The following PIP5K1B variants were observed in gnomAD, a reference collection of about 807,000 sequenced individuals.
PIP5K1B encodes the protein phosphatidylinositol 4-phosphate 5-kinase type-1 beta.
A neutral mutation model predicts 67.0 loss-of-function variants in PIP5K1B; 42 were observed. The ratio of observed to expected loss-of-function variants is 0.63; its 90% confidence interval spans 0.49 to 0.81. The LOEUF (loss-of-function observed/expected upper bound fraction) is 0.81. Ranked by LOEUF, PIP5K1B falls within the 30% of genes least tolerant of loss-of-function variation. The pLI is 0.00. For missense variants in PIP5K1B, 459 were observed against 646.3 expected (o/e 0.71, Z 3.14); for synonymous variants, 214 against 231.4 (o/e 0.92, Z 0.68).
intron 2 of PIP5K1B, among the ~76,000 whole-genome samples, chr9:68,790,516 AT>A (rs1349707085): frequency 6.6e-6 from 1 of 152,228 alleles, no homozygotes; most frequent in East Asian, 1.9e-4. Context: ...TGTGAAAATA[AT>A]TTTATAACAG....
chr9:68,909,502 T>C lies in PIP5K1B; in HGVS notation c.772-8046T>C, dbSNP rs1236473542. Among the ~76,000 whole-genome samples, 3 of 152,236 alleles carry C rather than the reference T, an allele frequency of 2.0e-5. No individual in the cohort carries two copies. In the East Asian group the frequency reaches 5.8e-4, roughly 29 times the overall value. ...GTCAGTGTTCAAATTTCTAATTGTT[T>C]CAGAAACAACTTTTTGTGGTTTGGA... On this transcript the variant is annotated intron_variant, in intron 8 of 15. Coordinates refer to ENST00000265382, the MANE Select transcript of PIP5K1B (RefSeq NM_003558.4).
intron 2 of PIP5K1B, among the ~76,000 whole-genome samples, chr9:68,805,018 G>A (rs1363792881): frequency 5.3e-5 from 8 of 152,200 alleles, no homozygotes; most frequent in Non-Finnish European, 1.0e-4. Context: ...TTGGCTGAGG[G>A]CTGTGAGGGC....
At chr9:68,883,603 C>T (rs545881697) in intron 6 of PIP5K1B, among the ~76,000 whole-genome samples, 1 of 152,130 alleles carries the variant, frequency 6.6e-6, no homozygotes, top group Admixed American at 6.6e-5. Context: ...CCTCCTCTCC[C>T]TTTTTCTTTC....
At chr9:68,770,509 A>G (rs887798763) in intron 2 of PIP5K1B, among the ~76,000 whole-genome samples, 1 of 152,310 alleles carries the variant, frequency 6.6e-6, no homozygotes, top group African/African-American at 2.4e-5. Flanking sequence ...TGTGCAGTTC[A>G]TGCTCAAAAG....
intron 12 of PIP5K1B, among the ~76,000 whole-genome samples, chr9:68,927,777 T>C (rs1826789732): frequency 6.6e-6 from 1 of 152,174 alleles, no homozygotes; most frequent in Admixed American, 6.5e-5. Flanking sequence ...TCCAATTTTT[T>C]TCCTTTTGTT....
chr9:68,921,312 TA>T (rs879631642), intron 11 of PIP5K1B, among the ~76,000 whole-genome samples: 57 of 144,302 alleles, frequency 4.0e-4, no homozygotes, highest in Non-Finnish European at 3.5e-4. Context: ...ATTTTTTAAT[TA>T]AAAAAAAAAA....
intron 2 of PIP5K1B, among the ~76,000 whole-genome samples, chr9:68,786,656 T>A (rs1831635899): frequency 6.6e-6 from 1 of 152,056 alleles, no homozygotes; most frequent in Non-Finnish European, 1.5e-5. Context: ...GGCAAGAAAT[T>A]AAAGTGTATA....
intron 2 of PIP5K1B, among the ~76,000 whole-genome samples, chr9:68,779,583 C>T (rs1314245337): frequency 6.6e-6 from 1 of 152,208 alleles, no homozygotes; most frequent in Non-Finnish European, 1.5e-5. Flanking sequence ...GGTCCACCAC[C>T]TCACGTCAGG....
intron 2 of PIP5K1B, among the ~76,000 whole-genome samples, chr9:68,757,140 A>AT (rs1248924139): frequency 6.6e-6 from 1 of 152,130 alleles, no homozygotes; most frequent in East Asian, 1.9e-4. Context: ...ACAAGCATCA[A>AT]TTTTTTAAAA....
intron 13 of PIP5K1B, among the ~76,000 whole-genome samples, chr9:68,938,865 A>G (rs554270893): frequency 6.6e-6 from 1 of 152,298 alleles, no homozygotes; most frequent in Non-Finnish European, 1.5e-5. Context: ...ATGTCCTACA[A>G]GTCAGCCCCA....
chr9:68,848,492 A>G (rs979994657), intron 4 of PIP5K1B, among the ~76,000 whole-genome samples: 2 of 152,222 alleles, frequency 1.3e-5, no homozygotes, highest in African/African-American at 2.4e-5. Flanking sequence ...CAGTGAGCCA[A>G]TTAGGGAACA....
intron 14 of PIP5K1B, among the ~76,000 whole-genome samples, chr9:68,983,512 C>G (rs1225217024): frequency 6.6e-6 from 1 of 151,116 alleles, no homozygotes; most frequent in African/African-American, 2.4e-5. Flanking sequence ...ATTTTAAATA[C>G]TTATCTCATT....
chr9:68,899,056 A>G (rs956627518), intron 8 of PIP5K1B, among the ~76,000 whole-genome samples: 3 of 152,162 alleles, frequency 2.0e-5, no homozygotes. Flanking sequence ...TGCGTTCTTC[A>G]GCTTCTGTCT....
At chr9:68,915,135 AG>A (rs998648132) in intron 8 of PIP5K1B, among the ~76,000 whole-genome samples, 1 of 152,248 alleles carries the variant, frequency 6.6e-6, no homozygotes, top group Non-Finnish European at 1.5e-5. Context: ...AGCATTTTAC[AG>A]ATGAGGAAAC....
chr9:68,889,204 G>GT (rs145571244), intron 7 of PIP5K1B, 71 bp downstream of exon 7: 128,244 of 1,125,766 alleles, frequency 0.11, 8,605 homozygotes, highest in Non-Finnish European at 0.13. Flanking sequence ...TTTTTCTGTT[G>GT]TTTTTTTCAG....
intron 2 of PIP5K1B, chr9:68,788,905 C>T (rs12552102): frequency 0.11 from 29,557 of 264,570 alleles, 2,041 homozygotes; most frequent in Non-Finnish European, 0.15. Flanking sequence ...CGGAAATTTC[C>T]ATCAAGAGGG....
intron 2 of PIP5K1B, among the ~76,000 whole-genome samples, chr9:68,804,588 ATTT>A (rs66469506): frequency 5.6e-4 from 70 of 125,482 alleles, no homozygotes; most frequent in African/African-American, 1.2e-3. Context: ...CTAGTTTTCA[ATTT>A]TTTTTTTTTT....
At chr9:68,955,966 A>G (rs1327962938) in intron 14 of PIP5K1B, among the ~76,000 whole-genome samples, 2 of 152,224 alleles carry the variant, frequency 1.3e-5, no homozygotes, top group Admixed American at 1.3e-4. Flanking sequence ...GCACCAGTGG[A>G]GCTGACAAAA....
At chr9:68,970,244 T>C (rs1049637402) in intron 14 of PIP5K1B, among the ~76,000 whole-genome samples, 1 of 152,226 alleles carries the variant, frequency 6.6e-6, no homozygotes, top group African/African-American at 2.4e-5. Context: ...AAGGAGCATG[T>C]GTTTTTCCTT....
Sources: gnomAD v4.1 joint callset for allele counts (sites outside exome capture counted in the v4.1 genomes callset) on GRCh38, gnomAD v4.1.1 for gene constraint, MANE v1.5 for transcripts, NCBI Gene and HGNC (gene_info 2026-07-23, HGNC 2026-07-21) for gene names.